Variants in GLRA2 observed in about 807,000 individuals in gnomAD.
The protein encoded by GLRA2 is glycine receptor subunit alpha-2.
GLRA2 carries 11 observed loss-of-function variants against 31.6 expected under a neutral mutation model. The observed-to-expected ratio is 0.35, with a 90% CI of 0.22 to 0.58. GLRA2 has a LOEUF of 0.58. GLRA2 is among the 20% of genes least tolerant of loss of function. The pLI is 0.84. For synonymous variants in GLRA2, 132 were observed against 134.0 expected (o/e 0.99, Z 0.10); for missense variants, 212 against 351.8 (o/e 0.60, Z 3.18).
chrX:14,552,943 G>A (rs1024757796), intron 2 of GLRA2, among the ~76,000 whole-genome samples: 2 of 111,649 alleles, frequency 1.8e-5, no homozygotes, highest in African/African-American at 6.5e-5. Flanking sequence ...CCCTCTCAAG[G>A]TCCCAAGGTG....
At chrX:14,453,996 A>G in the GLRA2 span, among the ~76,000 whole-genome samples, 1 of 111,853 alleles carries the variant, frequency 8.9e-6, no homozygotes, top group Non-Finnish European at 1.9e-5. Flanking sequence ...AAATCATAGT[A>G]AAGAACAGAT....
intron 2 of GLRA2, among the ~76,000 whole-genome samples, chrX:14,550,359 A>G (rs1337985956): frequency 2.7e-5 from 3 of 109,543 alleles, no homozygotes; most frequent in Non-Finnish European, 5.7e-5. Flanking sequence ...TTGATGGAGG[A>G]GAGTTCTGGA....
chrX:14,715,670 A>T, intron 8 of GLRA2, among the ~76,000 whole-genome samples: 1 of 111,665 alleles, frequency 9.0e-6, no homozygotes, highest in Non-Finnish European at 1.9e-5. Flanking sequence ...AAAGACTTGA[A>T]GGAGTTTACC....
the GLRA2 span, among the ~76,000 whole-genome samples, chrX:14,496,920 G>A: frequency 3.4e-3 from 382 of 111,542 alleles, 1 homozygote; most frequent in African/African-American, 0.011. Context: ...AGCCTAGGTG[G>A]TTCAAAATAC....
intron 4 of GLRA2, among the ~76,000 whole-genome samples, chrX:14,601,745 G>A (rs375041055): frequency 9.0e-6 from 1 of 111,094 alleles, no homozygotes; most frequent in East Asian, 2.8e-4. Context: ...TAAAATACAT[G>A]TGCTAAATTT....
At chrX:14,684,451 A>G (rs755916780) in intron 7 of GLRA2, among the ~76,000 whole-genome samples, 41 of 111,947 alleles carry the variant, frequency 3.7e-4, no homozygotes, top group African/African-American at 9.7e-4. Context: ...ATCCATGAGC[A>G]TGGAATGTTC....
At chrX:14,691,271 CTGTG>C (rs4014173) in intron 8 of GLRA2, among the ~76,000 whole-genome samples, 14,687 of 84,484 alleles carry the variant, frequency 0.17, 1,232 homozygotes, top group East Asian at 0.35. Context: ...TAAATATTGA[CTGTG>C]TGTGTGTGTG....
intron 8 of GLRA2, among the ~76,000 whole-genome samples, chrX:14,696,177 A>AGG (rs1214153148): frequency 1.3e-5 from 1 of 77,271 alleles, no homozygotes; most frequent in Non-Finnish European, 2.4e-5. Context: ...AGAAGAAGGG[A>AGG]GGGAGAGTGG....
intron 4 of GLRA2, among the ~76,000 whole-genome samples, chrX:14,587,915 T>C (rs2090098323): frequency 1.8e-5 from 2 of 110,040 alleles, no homozygotes; most frequent in Non-Finnish European, 3.8e-5. Flanking sequence ...ATTTTTTTTT[T>C]TTTTTCTTTT....
chrX:14,545,957 A>G (rs2089474078), intron 2 of GLRA2, among the ~76,000 whole-genome samples: 3 of 111,586 alleles, frequency 2.7e-5, no homozygotes, highest in Admixed American at 9.5e-5. Flanking sequence ...ACATATGCCC[A>G]GGGTCATGCC....
intron 8 of GLRA2, among the ~76,000 whole-genome samples, chrX:14,725,391 T>C (rs2091917848): frequency 9.0e-6 from 1 of 110,896 alleles, no homozygotes; most frequent in Non-Finnish European, 1.9e-5. Flanking sequence ...TGGACACATA[T>C]TGCTTCCTAA....
chrX:14,461,978 G>A, the GLRA2 span, among the ~76,000 whole-genome samples: 1 of 112,145 alleles, frequency 8.9e-6, no homozygotes, highest in African/African-American at 3.2e-5. Flanking sequence ...TTTTTGCAGT[G>A]GCTGGTACTC....
intron 4 of GLRA2, among the ~76,000 whole-genome samples, chrX:14,589,750 GTGTGTATATA>G (rs1182526557): frequency 6.1e-5 from 6 of 98,259 alleles, no homozygotes; most frequent in African/African-American, 3.8e-5. Context: ...GTATATATAT[GTGTGTATATA>G]TGTATATATA....
chrX:14,708,868 G>A (rs1029603426), intron 8 of GLRA2, among the ~76,000 whole-genome samples: 5 of 110,609 alleles, frequency 4.5e-5, no homozygotes, highest in Non-Finnish European at 7.6e-5. Context: ...CCTGGGAGGC[G>A]GAGGTTGCGG....
At chrX:14,656,226 T>C (rs1325388991) in intron 7 of GLRA2, among the ~76,000 whole-genome samples, 4 of 112,331 alleles carry the variant, frequency 3.6e-5, no homozygotes. Flanking sequence ...TTAATTGATT[T>C]GAGGCAGGGC....
At chrX:14,652,303 ATAAG>A (rs2090897570) in intron 7 of GLRA2, among the ~76,000 whole-genome samples, 1 of 111,757 alleles carries the variant, frequency 8.9e-6, no homozygotes, top group Non-Finnish European at 1.9e-5. Context: ...ATTACCGGAC[ATAAG>A]TAAGGGCAGA....
chrX:14,691,588 T>A (rs1237769090), intron 8 of GLRA2, among the ~76,000 whole-genome samples: 3 of 111,356 alleles, frequency 2.7e-5, no homozygotes, highest in Non-Finnish European at 3.8e-5. Context: ...GGGGATATTT[T>A]AAAAATCCCA....
chrX:14,622,962 C>T (rs757619647), intron 7 of GLRA2, among the ~76,000 whole-genome samples: 11 of 111,536 alleles, frequency 9.9e-5, no homozygotes, highest in African/African-American at 2.6e-4. Flanking sequence ...TTCACAATAT[C>T]GATTCTTCCT....
At chrX:14,703,685 T>C (rs763570525) in intron 8 of GLRA2, among the ~76,000 whole-genome samples, 1 of 111,576 alleles carries the variant, frequency 9.0e-6, no homozygotes, top group South Asian at 3.7e-4. Flanking sequence ...CCATGCACAC[T>C]CAGGACAGTC....
Sources: gnomAD v4.1 joint callset for allele counts (sites outside exome capture counted in the v4.1 genomes callset) on GRCh38, gnomAD v4.1.1 for gene constraint, MANE v1.5 for transcripts, NCBI Gene and HGNC (gene_info 2026-07-23, HGNC 2026-07-21) for gene names.